The following TRDN variants were observed in gnomAD, a reference collection of about 807,000 sequenced individuals.
TRDN encodes the protein triadin in skeletal muscle.
TRDN carries 161 observed loss-of-function variants against 149.7 expected under a neutral mutation model. That is an observed-to-expected ratio of 1.08 (90% CI 0.95 to 1.23). The LOEUF (loss-of-function observed/expected upper bound fraction) is 1.23. Ranked by LOEUF, TRDN falls within the 50% of genes most tolerant of loss-of-function variation. The pLI, the probability that TRDN is intolerant of heterozygous loss-of-function variation, is 0.00. For synonymous variants in TRDN, 294 were observed against 250.5 expected (o/e 1.17, Z -1.64); for missense variants, 896 against 823.5 (o/e 1.09, Z -1.08).
chr6:123,361,627 C>T (rs375298499), intron 20 of TRDN, among the ~76,000 whole-genome samples: 1 of 152,030 alleles, frequency 6.6e-6, no homozygotes, highest in East Asian at 1.9e-4. Context: ...TCATATACTT[C>T]ACTCCCTCTT....
At chr6:123,416,554 A>G (rs1773656989) in intron 12 of TRDN, among the ~76,000 whole-genome samples, 1 of 152,066 alleles carries the variant, frequency 6.6e-6, no homozygotes, top group South Asian at 2.1e-4. Context: ...CATATTCTCT[A>G]TCCACTTGCC....
intron 24 of TRDN, among the ~76,000 whole-genome samples, chr6:123,282,338 A>G (rs1007756801): frequency 2.0e-5 from 3 of 151,998 alleles, no homozygotes; most frequent in African/African-American, 7.2e-5. Flanking sequence ...AGGCTTGTAC[A>G]TAATCTGTTT....
chr6:123,318,280 A>G (rs974016027), intron 23 of TRDN, among the ~76,000 whole-genome samples: 2 of 151,972 alleles, frequency 1.3e-5, no homozygotes, highest in Admixed American at 1.3e-4. Context: ...AATTCTAGTG[A>G]TGAGAATTAT....
intron 1 of TRDN, among the ~76,000 whole-genome samples, chr6:123,578,054 T>C (rs747594075): frequency 4.0e-5 from 5 of 123,664 alleles, no homozygotes; most frequent in Admixed American, 8.3e-5. Context: ...ATACATAGTT[T>C]GCAAAAATTT....
At chr6:123,420,809 C>A (rs79325416) in intron 12 of TRDN, among the ~76,000 whole-genome samples, 3,471 of 152,122 alleles carry the variant, frequency 0.023, 112 homozygotes, top group East Asian at 0.079. Context: ...CTAAAGATTA[C>A]TTAAGTAACA....
intron 37 of TRDN, chr6:123,254,869 T>C (rs1042497158): frequency 9.1e-6 from 4 of 440,598 alleles, no homozygotes; most frequent in African/African-American, 6.0e-5. Flanking sequence ...CATGTTAATG[T>C]TGCTAATAGT....
intron 1 of TRDN, among the ~76,000 whole-genome samples, chr6:123,584,138 G>T (rs1378862199): frequency 1.3e-5 from 2 of 152,132 alleles, no homozygotes; most frequent in African/African-American, 4.8e-5. Context: ...TACAGTCATG[G>T]AGGTCGGGTG....
intron 12 of TRDN, among the ~76,000 whole-genome samples, chr6:123,435,654 T>C (rs1309001068): frequency 6.6e-6 from 1 of 151,804 alleles, no homozygotes; most frequent in Non-Finnish European, 1.5e-5. Context: ...TTTGGAAAAA[T>C]CAATGGAATT....
At chr6:123,591,347 G>T (rs1783771730) in intron 1 of TRDN, among the ~76,000 whole-genome samples, 1 of 152,126 alleles carries the variant, frequency 6.6e-6, no homozygotes, top group Admixed American at 6.5e-5. Flanking sequence ...CTGGGTTCAA[G>T]CAATTCTCCT....
chr6:123,298,081 A>C (rs1425454428), intron 24 of TRDN, among the ~76,000 whole-genome samples: 1 of 152,068 alleles, frequency 6.6e-6, no homozygotes, highest in East Asian at 1.9e-4. Flanking sequence ...AAACAAAAAA[A>C]CAAATTTGAG....
At chr6:123,352,654 AT>A in intron 20 of TRDN, 68 bp from the exon 21 acceptor site, 4 of 1,540,678 alleles carry the variant, frequency 2.6e-6, no homozygotes, top group Non-Finnish European at 3.5e-6. Flanking sequence ...CAAAAAAAGC[AT>A]TTTGGAGTTC....
chr6:123,535,348 T>A (rs1780475518), intron 4 of TRDN, among the ~76,000 whole-genome samples: 1 of 152,156 alleles, frequency 6.6e-6, no homozygotes, highest in East Asian at 1.9e-4. Flanking sequence ...CAAATTAATT[T>A]CAAAGAATGT....
At chr6:123,384,254 G>T (rs1781825049) in intron 14 of TRDN, among the ~76,000 whole-genome samples, 1 of 152,072 alleles carries the variant, frequency 6.6e-6, no homozygotes, top group African/African-American at 2.4e-5. Context: ...TAACACAACA[G>T]CTTAAGGTAT....
chr6:123,330,380 C>A (rs1022002943), intron 23 of TRDN, among the ~76,000 whole-genome samples: 3 of 151,862 alleles, frequency 2.0e-5, no homozygotes, highest in Non-Finnish European at 4.4e-5. Context: ...ATTTTTCTTA[C>A]CTTTCTCAAT....
intron 9 of TRDN, chr6:123,469,732 T>TGAGCCA (rs992716558): frequency 9.6e-4 from 148 of 154,018 alleles, no homozygotes; most frequent in African/African-American, 3.3e-3. Flanking sequence ...ACAGAGCCAG[T>TGAGCCA]GAGCCAGAGC....
intron 1 of TRDN, among the ~76,000 whole-genome samples, chr6:123,634,934 A>T (rs995577494): frequency 1.7e-4 from 26 of 151,952 alleles, no homozygotes; most frequent in Non-Finnish European, 7.4e-5. Flanking sequence ...AGGCCCTTTT[A>T]AACCCCCGCA....
At chr6:123,456,185 A>T (rs539403716) in intron 10 of TRDN, among the ~76,000 whole-genome samples, 2 of 152,306 alleles carry the variant, frequency 1.3e-5, no homozygotes, top group African/African-American at 4.8e-5. Context: ...TGTAAGTCTG[A>T]TTTTCAAATG....
At position 123,281,397 on chromosome 6, in the gene TRDN, C is replaced by T. The variant is rs557524809; in HGVS notation, c.1511-2315G>A. 2.6e-5 allele frequency among the ~76,000 whole-genome samples: 4 copies of T among 152,124 alleles called. No individual in the cohort carries two copies. The East Asian group carries it at 7.7e-4, about 29-fold the overall frequency. On this transcript the variant is annotated intron_variant, in intron 24 of 40. Coordinates refer to ENST00000334268, the MANE Select transcript of TRDN (RefSeq NM_006073.4). ...CTTAACATGCACCAGAGATACAATA[C>T]AAAGCACAGTTCAATAAGAGGAAAG...
chr6:123,400,383 G>A (rs1772916172), intron 12 of TRDN, among the ~76,000 whole-genome samples: 1 of 151,850 alleles, frequency 6.6e-6, no homozygotes, highest in South Asian at 2.1e-4. Context: ...AGGGACAGTG[G>A]GGGATGGGGG....
Sources: gnomAD v4.1 joint callset for allele counts (sites outside exome capture counted in the v4.1 genomes callset) on GRCh38, gnomAD v4.1.1 for gene constraint, MANE v1.5 for transcripts, NCBI Gene and HGNC (gene_info 2026-07-23, HGNC 2026-07-21) for gene names.